The following CEP290 variants were observed in gnomAD, a reference collection of about 807,000 sequenced individuals.
The protein encoded by CEP290 is centrosomal protein 290.
Under a neutral mutation model 344.9 loss-of-function variants are expected in CEP290, and 317 were observed. That is an observed-to-expected ratio of 0.92 (90% CI 0.84 to 1.01). The LOEUF (loss-of-function observed/expected upper bound fraction) is 1.01, where lower values mean the gene tolerates loss of function less well. CEP290 is among the 50% of genes least tolerant of loss of function. The probability of loss-of-function intolerance (pLI) is 0.00; values close to 1 mark genes in which losing one functional copy is unlikely to be tolerated. For synonymous variants in CEP290, 932 were observed against 895.8 expected, an observed-to-expected ratio of 1.04 and a Z score of -0.72; for missense variants, 2,754 against 2,761.4, an observed-to-expected ratio of 1.00 and a Z score of 0.06.
chr12:88,074,934 C>G (rs2035649708), intron 41 of CEP290, among the ~76,000 whole-genome samples: 1 of 152,150 alleles, frequency 6.6e-6, no homozygotes, highest in Non-Finnish European at 1.5e-5. Context: ...TTGTAATAAC[C>G]TTTATTATAA....
intron 41 of CEP290, among the ~76,000 whole-genome samples, chr12:88,076,701 A>C (rs2035803244): frequency 6.6e-6 from 1 of 152,214 alleles, no homozygotes; most frequent in African/African-American, 2.4e-5. Context: ...CACAGAATTA[A>C]TCTATGAGCA....
At chr12:88,116,993 A>T (rs920961615) in intron 18 of CEP290, 40 bp downstream of exon 18, 301 of 1,058,496 alleles carry the variant, frequency 2.8e-4, no homozygotes, top group African/African-American at 2.2e-3. Context: ...AAAAAAAAAA[A>T]ATATTTTCCT....
chr12:88,077,831 T>G lies in CEP290; in HGVS notation c.5452A>C (p.Asn1818His), dbSNP rs762042861. ...AGTTCATTATTTAAGTCATTCAAATTATCAGTTAGTGAGTTTTCTCTGTTT... is the reference window on the plus strand; with the variant it reads ...AGTTCATTATTTAAGTCATTCAAATGATCAGTTAGTGAGTTTTCTCTGTTT... ...SKNRENSLTD[N>H]LNDLNNELQK... The change falls in exon 40 of 54, where the codon AAT (asparagine) becomes CAT (histidine). Residue 1818 changes from asparagine to histidine, a missense_variant. Asn to His is a moderately conservative substitution (Grantham distance 68, BLOSUM62 1). Transcript: ENST00000552810. The G allele has an allele frequency of 7.9e-6, 12 of 1,511,612 alleles. No individual in the cohort carries two copies. Among genetic ancestry groups the G allele is most frequent in the South Asian group, 4.8e-5 (4 of 82,550 alleles). 93.6% of individuals were successfully genotyped at this position (1,511,612 alleles called of 1,614,324 possible).
At chr12:88,135,596 T>C (rs945597123) in intron 6 of CEP290, 2 of 152,196 alleles carry the variant, frequency 1.3e-5, no homozygotes, top group African/African-American at 4.8e-5. Context: ...ATTGTTTTCA[T>C]AGCTAACTTC....
rs2035901966 is a variant in CEP290, at chr12:88,077,917, G to A, written c.5366C>T (p.Thr1789Ile). The A allele has an allele frequency of 1.6e-6, 2 of 1,239,382 alleles. No homozygotes were observed. Among genetic ancestry groups the A allele is most frequent in the Non-Finnish European group, 1.1e-6 (1 of 895,188 alleles). The allele number at this position is 1,239,382 out of a possible 1,614,324, so 76.8% of individuals were successfully genotyped here. Residue 1789 changes from threonine (T) to isoleucine (I), a missense_variant and splice_region_variant, in exon 40 of 54, where the codon ACA becomes ATA. By Grantham distance (89) the Thr-to-Ile change is moderately conservative (BLOSUM62 -1). Coordinates refer to ENST00000552810, the MANE Select transcript of CEP290 (RefSeq NM_025114.4). ...ATTTTCATTTAAATCTTCAACTTGT[G>A]TCTAATAAGAGAAAAAGAAAGGTAT... The part of the protein sequence containing the change: ...IVDRHTRELK[T>I]QVEDLNENLL...
intron 22 of CEP290, 52 bp from the exon 23 acceptor site, chr12:88,109,233 T>G: frequency 1.6e-6 from 1 of 634,214 alleles, no homozygotes; most frequent in Non-Finnish European, 2.7e-6. Context: ...ATAGAATAAA[T>G]GCTGAATTTG....
intron 26 of CEP290, among the ~76,000 whole-genome samples, chr12:88,101,406 G>A (rs1351392583): frequency 6.6e-6 from 1 of 150,982 alleles, no homozygotes; most frequent in Non-Finnish European, 1.5e-5. Context: ...GCCTGAACCC[G>A]GGAGGTGGAG....
intron 17 of CEP290, 131 bp downstream of exon 17, chr12:88,118,352 T>A: frequency 1.4e-6 from 1 of 701,234 alleles, no homozygotes; most frequent in Non-Finnish European, 2.4e-6. Context: ...TTCAGGTTAT[T>A]ATTGTCATTT....
At chr12:88,054,490 C>G in intron 50 of CEP290, 77 bp from the exon 51 acceptor site, 9 of 1,116,402 alleles carry the variant, frequency 8.1e-6, no homozygotes, top group Non-Finnish European at 1.2e-5. Flanking sequence ...ACATTTTTAA[C>G]AAAGCGTAAT....
rs1319166464 is a variant in CEP290 at position 88,111,711 on chromosome 12, C to T, written c.2200G>A (p.Ala734Thr). The part of the protein sequence containing the change: ...KEAINYSQQL[A>T]KANLKIDHLE... Reference sequence around the variant, plus strand: ...ATTCTCACCTTTAAATTAGCTTTTGCCAACTGCTGTGAATAATTTATAGCC... The same window carrying T: ...ATTCTCACCTTTAAATTAGCTTTTGTCAACTGCTGTGAATAATTTATAGCC... Residue 734 changes from alanine to threonine, a missense_variant, in exon 21 of 54, where the codon GCA becomes ACA. Transcript: ENST00000552810. The T allele has an allele frequency of 1.3e-6, 2 of 1,582,496 alleles. No homozygotes were observed. The highest frequency in any genetic ancestry group is 1.4e-5 in the African/African-American group (1 of 72,994).
At position 88,077,272 on chromosome 12, in the gene CEP290, G is replaced by A; in HGVS notation, c.5659C>T (p.Gln1887Ter). 6.2e-7 allele frequency: 1 copy of A among 1,603,406 alleles called. No homozygotes were observed. Among genetic ancestry groups the A allele is most frequent in the African/African-American group, 1.3e-5 (1 of 74,486 alleles). Residue 1887 changes from glutamine (Q) to a stop codon, truncating the protein, a stop_gained, in exon 41 of 54, where the codon CAA becomes TAA. Transcript: ENST00000552810. LOFTEE classifies it high-confidence loss of function. ...LQRKVKKLEN[Q>*]LEGKVEEVDL... ...ACTTCCTCCACCTTTCCCTCTAATT[G>A]GTTCTCTAGTTTTTTAACTTTCCTT...
In CEP290 at chr12:88,102,260, T is replaced by C. The variant is rs141446026; in HGVS notation, c.2991+578A>G. 2.5e-4 allele frequency among the ~76,000 whole-genome samples: 38 copies of C among 152,332 alleles called. No individual in the cohort carries two copies. In the East Asian group the frequency reaches 7.1e-3, roughly 29 times the overall value. On this transcript the variant is annotated intron_variant, in intron 26 of 53. Transcript: ENST00000552810. ...TCTACTCTAGTTTTTTTATTTTTTA[T>C]TCTACATTAAATAAATTTATTCTAC...
At chr12:88,058,648 A>G in intron 49 of CEP290, 200 bp downstream of exon 49, 1 of 613,386 alleles carries the variant, frequency 1.6e-6, no homozygotes, top group South Asian at 2.1e-5. Flanking sequence ...CACCCAAACA[A>G]GGTTAAACAA....
chr12:88,084,481 C>T, intron 35 of CEP290, 105 bp downstream of exon 35: 1 of 1,033,240 alleles, frequency 9.7e-7, no homozygotes, highest in Non-Finnish European at 1.4e-6. Flanking sequence ...TAAATAGAAT[C>T]ATTTGAAAGC....
rs199511358 is a variant in CEP290 at position 88,131,228 on chromosome 12, T to TA, written c.442-11dup. 0.025 allele frequency: 26,794 copies of TA among 1,080,260 alleles called. 70 individuals carry two copies. Among genetic ancestry groups the TA allele is most frequent in the East Asian group, 0.093 (2,734 of 29,364 alleles). The allele number at this position is 1,080,260 out of a possible 1,614,324, so 66.9% of individuals were successfully genotyped here. A position where few individuals can be genotyped will look rare whatever the true frequency, so the allele number is the denominator to read the frequency against. On this transcript the variant is annotated splice_polypyrimidine_tract_variant and intron_variant, in intron 6 of 53. Coordinates refer to ENST00000552810, the MANE Select transcript of CEP290 (RefSeq NM_025114.4). ...CATTTCGAAGAGCCAACTAAAATAG[T>TA]AAAAAAAAAAAATAAATAAGAAGAA...
intron 15 of CEP290, among the ~76,000 whole-genome samples, chr12:88,119,191 G>A (rs932033902): frequency 1.8e-4 from 27 of 151,986 alleles, no homozygotes; most frequent in Non-Finnish European, 3.5e-4. Context: ...ATATATATCT[G>A]TATAAAATAC....
chr12:88,129,966 C>A (rs2039966169), intron 9 of CEP290, 90 bp from the exon 10 acceptor site: 4 of 836,790 alleles, frequency 4.8e-6, no homozygotes, highest in Non-Finnish European at 7.0e-6. Context: ...CCATAAGTGT[C>A]CTCTAGAAAA....
At chr12:88,062,804 ATAAT>A in intron 45 of CEP290, 26 bp from the exon 46 acceptor site, 1 of 1,353,944 alleles carries the variant, frequency 7.4e-7, no homozygotes, top group South Asian at 1.2e-5. Flanking sequence ...CAAACATGTA[ATAAT>A]TTAACATAGC....
chr12:88,135,863 T>C (rs1462865131), intron 6 of CEP290: 2 of 151,916 alleles, frequency 1.3e-5, no homozygotes, highest in African/African-American at 4.8e-5. Context: ...AGGCACCAAA[T>C]TTTACTAAGT....
Sources: allele counts gnomAD v4.1 joint callset (sites outside exome capture counted in the v4.1 genomes callset), GRCh38; gene constraint gnomAD v4.1.1; transcripts MANE v1.5; gene names NCBI Gene and HGNC (gene_info 2026-07-23, HGNC 2026-07-21).